The following CLEC4A variants were observed in gnomAD, a reference collection of about 807,000 sequenced individuals.
CLEC4A encodes the protein C-type (calcium dependent, carbohydrate-recognition domain) lectin, superfamily member 6.
CLEC4A carries 27 observed loss-of-function variants against 32.7 expected under a neutral mutation model. That is an observed-to-expected ratio of 0.83 (90% CI 0.61 to 1.14). The LOEUF is 1.14. Ranked by LOEUF, CLEC4A falls within the 50% of genes most tolerant of loss-of-function variation. The pLI, the probability that CLEC4A is intolerant of heterozygous loss-of-function variation, is 0.00. For missense variants in CLEC4A, 253 were observed against 274.6 expected (o/e 0.92, Z 0.55); for synonymous variants, 89 against 93.7 (o/e 0.95, Z 0.29).
At chr12:8,115,668 C>T in the CLEC4A span, among the ~76,000 whole-genome samples, 1 of 152,050 alleles carries the variant, frequency 6.6e-6, no homozygotes, top group Non-Finnish European at 1.5e-5. Context: ...TTATATAGGT[C>T]TGAAGATGAT....
chr12:8,131,220 T>C (rs926787413), intron 3 of CLEC4A, among the ~76,000 whole-genome samples: 3 of 152,146 alleles, frequency 2.0e-5, no homozygotes, highest in Admixed American at 2.0e-4. Flanking sequence ...TTGGTTAAGG[T>C]AGTGTTTGTC....
At chr12:8,121,661 C>G (rs1389741726), upstream of CLEC4A, 1 of 152,512 alleles carries the variant, frequency 6.6e-6, no homozygotes, top group African/African-American at 2.4e-5. Flanking sequence ...TGGCAATGGC[C>G]CAGTGCAGGG....
At chr12:8,112,025 A>G in the CLEC4A span, among the ~76,000 whole-genome samples, 2 of 151,062 alleles carry the variant, frequency 1.3e-5, no homozygotes, top group African/African-American at 2.4e-5. Flanking sequence ...CTGGAGTGCA[A>G]TGGTGCAATC....
the CLEC4A span, among the ~76,000 whole-genome samples, chr12:8,106,808 A>T: frequency 2.0e-5 from 3 of 152,202 alleles, no homozygotes; most frequent in African/African-American, 7.2e-5. Flanking sequence ...GTATAGAATC[A>T]TCTCATCTGC....
chr12:8,126,634 A>G (rs191220447), intron 2 of CLEC4A, among the ~76,000 whole-genome samples: 1 of 152,338 alleles, frequency 6.6e-6, no homozygotes, highest in Admixed American at 6.5e-5. Context: ...TGTGCCAGAC[A>G]GAGAGTCAAG....
At chr12:8,111,157 C>A in the CLEC4A span, among the ~76,000 whole-genome samples, 4 of 151,026 alleles carry the variant, frequency 2.6e-5, no homozygotes, top group Non-Finnish European at 1.5e-5. Flanking sequence ...CAGGTGTGAG[C>A]CACCGCGCCT....
chr12:8,105,085 T>C, the CLEC4A span, among the ~76,000 whole-genome samples: 4 of 152,268 alleles, frequency 2.6e-5, no homozygotes, highest in South Asian at 8.3e-4. Flanking sequence ...TTATATTCCT[T>C]TGGGTATATA....
the CLEC4A span, among the ~76,000 whole-genome samples, chr12:8,107,703 T>G: frequency 1.3e-5 from 2 of 152,110 alleles, no homozygotes; most frequent in African/African-American, 4.8e-5. Context: ...TGAGGGTTTT[T>G]TGTATTTCTG....
chr12:8,111,611 C>T, the CLEC4A span, among the ~76,000 whole-genome samples: 1 of 152,092 alleles, frequency 6.6e-6, no homozygotes, highest in Non-Finnish European at 1.5e-5. Flanking sequence ...GAAGTTCTTT[C>T]TTTGCCTATG....
intron 5 of CLEC4A, 27 bp from the exon 6 acceptor site, chr12:8,138,113 T>C (rs1332614912): frequency 1.9e-6 from 3 of 1,608,394 alleles, no homozygotes; most frequent in East Asian, 2.2e-5. Flanking sequence ...TTTGAAGAAA[T>C]GCCCTCATCC....
At chr12:8,130,146 T>C (rs766603643) in intron 3 of CLEC4A, among the ~76,000 whole-genome samples, 19 of 152,358 alleles carry the variant, frequency 1.2e-4, no homozygotes, top group Middle Eastern at 3.4e-3. Context: ...CTAAAATTCG[T>C]ATATGTACTC....
intron 2 of CLEC4A, among the ~76,000 whole-genome samples, chr12:8,127,950 A>C (rs1214890181): frequency 6.6e-6 from 1 of 152,180 alleles, no homozygotes; most frequent in Non-Finnish European, 1.5e-5. Flanking sequence ...GAGAACCTCA[A>C]ATGGATGTGT....
rs1565406812 is a variant in CLEC4A, at chr12:8,135,639, A to G, written c.353A>G (p.Tyr118Cys). The change falls in exon 4 of 6, where the codon TAC (tyrosine) becomes TGC (cysteine). Residue 118 changes from tyrosine to cysteine, a missense_variant. Physicochemically the swap from Tyr to Cys is radical, Grantham distance 194. Coordinates refer to ENST00000229332, the MANE Select transcript of CLEC4A (RefSeq NM_016184.4). ...TGGAAGTCATTTAGTTCCAACTGCT[A>G]CTTTATTTCTACTGAATCAGCATCT... ...KNWKSFSSNCYFISTESASWQ... is the reference protein window; with the variant it reads ...KNWKSFSSNCCFISTESASWQ... 6.2e-7 allele frequency: 1 copy of G among 1,614,200 alleles called. No homozygotes were observed.
chr12:8,133,824 C>G (rs1948042103), intron 3 of CLEC4A: 1 of 1,585,200 alleles, frequency 6.3e-7, no homozygotes. Context: ...GGGGGAAAGG[C>G]TTCCCCCTCA....
At chr12:8,112,933 TAC>T in the CLEC4A span, among the ~76,000 whole-genome samples, 1 of 152,310 alleles carries the variant, frequency 6.6e-6, no homozygotes, top group Admixed American at 6.5e-5. Context: ...GAATGAATAA[TAC>T]AGTTAATAAC....
chr12:8,118,596 G>A, the CLEC4A span, among the ~76,000 whole-genome samples: 1 of 152,150 alleles, frequency 6.6e-6, no homozygotes, highest in Non-Finnish European at 1.5e-5. Context: ...GAGGGGTGAG[G>A]TGCCACACAC....
rs1472033025 is a variant in CLEC4A at position 8,138,158 on chromosome 12, G to A, written c.585G>A (p.Glu195=). Reference sequence around the variant, plus strand: ...CTTTCAGATTCTGGCATCCACGTGAGCCCAGTGATCCCAATGAGCGCTGCG... The same window carrying A: ...CTTTCAGATTCTGGCATCCACGTGAACCCAGTGATCCCAATGAGCGCTGCG... ...NESSTFWHPR[E]PSDPNERCVV... The change falls in exon 6 of 6, where the codon GAG becomes GAA. Residue 195 remains glutamate (E), a synonymous_variant. Coordinates refer to ENST00000229332, the MANE Select transcript of CLEC4A (RefSeq NM_016184.4). The A allele has an allele frequency of 2.5e-6, 4 of 1,613,966 alleles. No homozygotes were observed. The East Asian group carries it at 8.9e-5, about 36-fold the overall frequency.
chr12:8,130,113 G>A (rs917928597), intron 3 of CLEC4A, among the ~76,000 whole-genome samples: 3 of 152,158 alleles, frequency 2.0e-5, no homozygotes, highest in African/African-American at 7.2e-5. Context: ...TGGGATTATA[G>A]GCGTGAGCCA....
the CLEC4A span, among the ~76,000 whole-genome samples, chr12:8,103,373 G>GGTTTTTTTTTTTTTTTT: frequency 1.3e-5 from 1 of 78,036 alleles, no homozygotes; most frequent in Admixed American, 1.6e-4. Context: ...GTTTCTTTCT[G>GGTTTTTTTTTTTTTTTT]TTGTTTTTTT....
Sources: gnomAD v4.1 joint callset for allele counts (sites outside exome capture counted in the v4.1 genomes callset) on GRCh38, gnomAD v4.1.1 for gene constraint, MANE v1.5 for transcripts, NCBI Gene and HGNC (gene_info 2026-07-23, HGNC 2026-07-21) for gene names.